Variants in GFRA1 observed in about 807,000 individuals in gnomAD.
GFRA1 encodes GDNF family receptor alpha-1.
GFRA1 carries 16 observed loss-of-function variants against 51.6 expected under a neutral mutation model. That is an observed-to-expected ratio of 0.31 (90% CI 0.21 to 0.47). The LOEUF is 0.47. GFRA1 is among the 20% of genes least tolerant of loss of function. The pLI is 1.00. For synonymous variants in GFRA1, 270 were observed against 241.3 expected (o/e 1.12, Z -1.10); for missense variants, 530 against 594.3 (o/e 0.89, Z 1.13).
chr10:116,197,908 G>A (rs750126457), intron 5 of GFRA1, among the ~76,000 whole-genome samples: 10 of 152,186 alleles, frequency 6.6e-5, no homozygotes, highest in Admixed American at 2.6e-4. Flanking sequence ...ATGGAGGCCC[G>A]TGGAAGTGAG....
chr10:116,129,834 T>C (rs1958031646), intron 5 of GFRA1, among the ~76,000 whole-genome samples: 1 of 152,018 alleles, frequency 6.6e-6, no homozygotes, highest in African/African-American at 2.4e-5. Context: ...ATAAAATGTG[T>C]AGTGATCAAG....
intron 4 of GFRA1, among the ~76,000 whole-genome samples, chr10:116,251,263 T>C (rs77620217): frequency 0.059 from 8,981 of 152,226 alleles, 811 homozygotes; most frequent in African/African-American, 0.19. Flanking sequence ...CAGTAGACAT[T>C]TGTTGATGGA....
intron 5 of GFRA1, among the ~76,000 whole-genome samples, chr10:116,160,088 T>C (rs865824844): frequency 2.0e-5 from 3 of 152,356 alleles, no homozygotes; most frequent in Middle Eastern, 3.4e-3. Flanking sequence ...TTCGAATCCA[T>C]TGTGAGAACT....
At chr10:116,210,412 T>G (rs1268717487) in intron 5 of GFRA1, among the ~76,000 whole-genome samples, 1 of 152,136 alleles carries the variant, frequency 6.6e-6, no homozygotes, top group Non-Finnish European at 1.5e-5. Flanking sequence ...ACCCCCCAGT[T>G]TGTGAAGGAA....
rs76730262 is a variant in GFRA1 at position 116,122,457 on chromosome 10, C to T, written c.770+2764G>A. Among the ~76,000 whole-genome samples the T allele has an allele frequency of 4.9e-3, 744 of 152,252 alleles. 7 individuals are homozygous for T. Among genetic ancestry groups the T allele is most frequent in the African/African-American group, 0.017 (700 of 41,534 alleles). ...TTCCTGAAACTTGTTCCTTCCTCAG[C>T]CTGAGGCCCTAGACATCACCTAAAC... On this transcript the variant is annotated intron_variant, in intron 6 of 10. Coordinates refer to ENST00000355422, the MANE Select transcript of GFRA1 (RefSeq NM_005264.8).
At chr10:116,078,111 T>C (rs1448381649) in intron 9 of GFRA1, among the ~76,000 whole-genome samples, 1 of 152,086 alleles carries the variant, frequency 6.6e-6, no homozygotes, top group African/African-American at 2.4e-5. Flanking sequence ...TCCTATTTTT[T>C]GTACCAGTTA....
chr10:116,157,036 C>T (rs1043407992), intron 5 of GFRA1, among the ~76,000 whole-genome samples: 3 of 152,228 alleles, frequency 2.0e-5, no homozygotes, highest in Non-Finnish European at 2.9e-5. Context: ...ACAATGGACT[C>T]AGCTGCAACC....
intron 5 of GFRA1, among the ~76,000 whole-genome samples, chr10:116,150,349 C>G (rs1490097435): frequency 6.6e-6 from 1 of 152,200 alleles, no homozygotes; most frequent in Non-Finnish European, 1.5e-5. Context: ...GGCCCTACTT[C>G]ATTTCCATCA....
chr10:116,227,357 T>C (rs1393865773), intron 4 of GFRA1, among the ~76,000 whole-genome samples: 1 of 152,204 alleles, frequency 6.6e-6, no homozygotes, highest in Non-Finnish European at 1.5e-5. Context: ...ACTTATTCTT[T>C]GGAGCTAAGA....
intron 4 of GFRA1, among the ~76,000 whole-genome samples, chr10:116,253,417 GACCA>G (rs1968553444): frequency 1.3e-5 from 2 of 152,272 alleles, no homozygotes; most frequent in South Asian, 4.1e-4. Context: ...AAACCAGCCT[GACCA>G]ACATGGTGAA....
intron 7 of GFRA1, among the ~76,000 whole-genome samples, chr10:116,095,277 C>G (rs527668773): frequency 1.6e-4 from 24 of 152,352 alleles, no homozygotes; most frequent in African/African-American, 5.8e-4. Context: ...GGATTACTGA[C>G]CACCTATTAC....
At chr10:116,111,252 A>C (rs1371480420) in intron 6 of GFRA1, among the ~76,000 whole-genome samples, 1 of 152,224 alleles carries the variant, frequency 6.6e-6, no homozygotes, top group Non-Finnish European at 1.5e-5. Flanking sequence ...ATCTGAGGCC[A>C]AGGTCAACTT....
At chr10:116,271,202 G>A in intron 2 of GFRA1, 87 bp from the exon 3 acceptor site, 4 of 1,195,286 alleles carry the variant, frequency 3.3e-6, no homozygotes, top group Non-Finnish European at 4.7e-6. Context: ...GCCCGGGTCA[G>A]GGATGCTTGA....
At chr10:116,147,502 G>A (rs1167762060) in intron 5 of GFRA1, among the ~76,000 whole-genome samples, 1 of 152,010 alleles carries the variant, frequency 6.6e-6, no homozygotes, top group South Asian at 2.1e-4. Context: ...ACTCCCCACA[G>A]AAAGGGCTAC....
At chr10:116,103,788 C>A (rs996542600) in intron 6 of GFRA1, among the ~76,000 whole-genome samples, 1 of 152,190 alleles carries the variant, frequency 6.6e-6, no homozygotes, top group Non-Finnish European at 1.5e-5. Context: ...TAGAAAATTA[C>A]CTTAGCCCCT....
intron 9 of GFRA1, among the ~76,000 whole-genome samples, chr10:116,082,004 G>T (rs927133604): frequency 6.6e-6 from 1 of 152,202 alleles, no homozygotes; most frequent in Admixed American, 6.5e-5. Context: ...TAGGATCAGT[G>T]GAGTGCAGAT....
intron 9 of GFRA1, among the ~76,000 whole-genome samples, chr10:116,088,648 C>T (rs558129577): frequency 4.1e-4 from 62 of 152,186 alleles, no homozygotes; most frequent in African/African-American, 1.1e-3. Context: ...CCACTGGGCG[C>T]GGTGGCACAA....
rs1443073176 is a variant in GFRA1, at chr10:116,247,388, T to C, written c.418+22115A>G. On this transcript the variant is annotated intron_variant, in intron 4 of 10. Transcript: ENST00000355422. ...CCTATTTACAGTTAAGAGATTCTTCTAAAACATAAGTGAGATCATGACATT... is the reference window on the plus strand; with the variant it reads ...CCTATTTACAGTTAAGAGATTCTTCCAAAACATAAGTGAGATCATGACATT... Among the ~76,000 whole-genome samples, 8 of 152,212 alleles carry C rather than the reference T, an allele frequency of 5.3e-5. No homozygotes were observed. The South Asian group carries it at 1.2e-3, about 24-fold the overall frequency.
intron 5 of GFRA1, among the ~76,000 whole-genome samples, chr10:116,150,990 G>A (rs1217190480): frequency 1.3e-5 from 2 of 152,000 alleles, no homozygotes; most frequent in Non-Finnish European, 2.9e-5. Context: ...AATGAGCACT[G>A]GCATTGAGCT....
Sources: gnomAD v4.1 joint callset for allele counts (sites outside exome capture counted in the v4.1 genomes callset) on GRCh38, gnomAD v4.1.1 for gene constraint, MANE v1.5 for transcripts, NCBI Gene and HGNC (gene_info 2026-07-23, HGNC 2026-07-21) for gene names.